The following DNAH14 variants were observed in gnomAD, a reference collection of about 807,000 sequenced individuals.
The protein encoded by DNAH14 is axonemal beta dynein heavy chain 14.
A neutral mutation model predicts 520.9 loss-of-function variants in DNAH14; 478 were observed. That is an observed-to-expected ratio of 0.92 (90% CI 0.85 to 0.99). DNAH14 has a LOEUF of 0.99. Among genes scored for constraint, DNAH14 ranks in the 50% least tolerant of loss-of-function variants. The pLI is 0.00. For missense variants in DNAH14, 4,831 were observed against 5,234.5 expected (o/e 0.92, Z 2.38); for synonymous variants, 1,581 against 1,757.2 (o/e 0.90, Z 2.51).
chr1:225,060,935 C>A (rs2069973188), intron 17 of DNAH14, among the ~76,000 whole-genome samples: 1 of 96,182 alleles, frequency 1.0e-5, no homozygotes, highest in Admixed American at 1.1e-4. Context: ...CTGGGGCTAC[C>A]TCCCAGTTAG....
chr1:225,103,281 T>G (rs1055189514), intron 23 of DNAH14, among the ~76,000 whole-genome samples: 7 of 152,232 alleles, frequency 4.6e-5, no homozygotes, highest in African/African-American at 7.2e-5. Context: ...CATGCTGTTT[T>G]GGTTACTATA....
At chr1:224,945,166 A>G (rs920052201) in intron 1 of DNAH14, among the ~76,000 whole-genome samples, 4 of 152,064 alleles carry the variant, frequency 2.6e-5, no homozygotes, top group South Asian at 2.1e-4. Context: ...ACAGAGTCCC[A>G]TATTTCTTGG....
At chr1:225,214,607 G>A (rs2089005694) in intron 41 of DNAH14, among the ~76,000 whole-genome samples, 1 of 152,088 alleles carries the variant, frequency 6.6e-6, no homozygotes, top group Non-Finnish European at 1.5e-5. Context: ...TGTATTCAGG[G>A]ATTTTACTTC....
chr1:225,322,085 CTTTTTTTTT>C (rs3047035), intron 61 of DNAH14, among the ~76,000 whole-genome samples: 3 of 90,178 alleles, frequency 3.3e-5, no homozygotes, highest in East Asian at 7.8e-4. Context: ...TTTTTTCTTT[CTTTTTTTTT>C]TTTTTTTTTT....
Position 225,270,850 on chromosome 1 carries a change from TA to T in DNAH14, c.7656del (p.Leu2552PhefsTer29). The T allele has an allele frequency of 6.4e-7, 1 of 1,551,050 alleles. No individual in the cohort carries two copies. The highest frequency in any genetic ancestry group is 8.7e-7 in the Non-Finnish European group (1 of 1,146,714). On this transcript the variant is annotated frameshift_variant, in exon 50 of 86. Coordinates refer to ENST00000682510, the MANE Select transcript of DNAH14 (RefSeq NM_001367479.1). LOFTEE classifies it high-confidence loss of function. ...LVLPHPSQDI[L>X]CTIFQAHLGI... ...TTACCTCATCCTTCACAAGACATCT[TA>T]TGTACTATTTTCCAGGTAACACATC... is the stretch of plus-strand genomic sequence containing the variant.
At chr1:225,186,358 T>G (rs2084732916) in intron 37 of DNAH14, among the ~76,000 whole-genome samples, 1 of 151,820 alleles carries the variant, frequency 6.6e-6, no homozygotes, top group South Asian at 2.1e-4. Context: ...TTATAACTAA[T>G]AAGAGGTGAA....
chr1:225,335,362 CGTGTACATGT>C (rs2094933765), intron 66 of DNAH14, among the ~76,000 whole-genome samples: 14 of 51,086 alleles, frequency 2.7e-4, no homozygotes, highest in South Asian at 1.6e-3. Flanking sequence ...TGCATATACA[CGTGTACATGT>C]GTGTGTATAT....
chr1:225,338,210 A>G (rs920154524), intron 68 of DNAH14, 28 bp downstream of exon 68: 30 of 1,551,440 alleles, frequency 1.9e-5, no homozygotes, highest in Non-Finnish European at 2.4e-5. Flanking sequence ...AATTGAGTCA[A>G]ATGTCTATGC....
intron 54 of DNAH14, among the ~76,000 whole-genome samples, chr1:225,278,537 C>T (rs536693595): frequency 2.3e-4 from 35 of 152,200 alleles, no homozygotes; most frequent in African/African-American, 8.2e-4. Flanking sequence ...CCTTATTCTG[C>T]TTTATTTTTC....
At chr1:225,363,227 C>A (rs1409982060) in intron 75 of DNAH14, among the ~76,000 whole-genome samples, 4 of 152,108 alleles carry the variant, frequency 2.6e-5, no homozygotes, top group African/African-American at 9.7e-5. Context: ...TGCCACTTGA[C>A]CCCTAAATAG....
intron 11 of DNAH14, among the ~76,000 whole-genome samples, chr1:225,038,419 T>C (rs1011792149): frequency 5.3e-5 from 8 of 152,062 alleles, no homozygotes; most frequent in Admixed American, 5.2e-4. Flanking sequence ...TATTATTTAT[T>C]ATTTTCTGTT....
intron 83 of DNAH14, 135 bp from the exon 84 acceptor site, chr1:225,392,156 G>A (rs549604994): frequency 1.8e-5 from 20 of 1,140,276 alleles, no homozygotes; most frequent in African/African-American, 1.3e-4. Flanking sequence ...CTCTGCTCCC[G>A]CCCAGCCCAT....
chr1:225,274,211 T>A (rs1252265075), intron 52 of DNAH14, among the ~76,000 whole-genome samples: 2 of 134,570 alleles, frequency 1.5e-5, no homozygotes, highest in Non-Finnish European at 3.2e-5. Flanking sequence ...TTTTTTTTTT[T>A]TTTTTTTTTT....
chr1:225,342,840 C>G (rs1423131798), intron 69 of DNAH14, among the ~76,000 whole-genome samples: 2 of 151,066 alleles, frequency 1.3e-5, no homozygotes, highest in African/African-American at 4.9e-5. Context: ...TGCCATGGGT[C>G]CCACCCCCAC....
rs539559685 is a variant in DNAH14 at position 225,308,449 on chromosome 1, T to C, written c.9240+39T>C. The C allele has an allele frequency of 6.0e-6, 9 of 1,497,254 alleles. No individual in the cohort carries two copies. The East Asian group carries it at 1.0e-4, about 17-fold the overall frequency. The allele number at this position is 1,497,254 out of a possible 1,614,324, so 92.7% of individuals were successfully genotyped here. ...ATTGTCAATAAAAATAATTTGGAGA[T>C]TTGAAAAAGTATTCCCTAACCTTCA... On this transcript the variant is annotated intron_variant, in intron 60 of 85. Coordinates refer to ENST00000682510, the MANE Select transcript of DNAH14 (RefSeq NM_001367479.1).
At chr1:225,214,419 T>G (rs1028794410) in intron 41 of DNAH14, among the ~76,000 whole-genome samples, 2 of 152,238 alleles carry the variant, frequency 1.3e-5, no homozygotes, top group African/African-American at 4.8e-5. Flanking sequence ...GATGCTGGCC[T>G]CATAAAATGA....
intron 58 of DNAH14, among the ~76,000 whole-genome samples, chr1:225,305,577 C>A (rs2094223134): frequency 6.6e-6 from 1 of 152,158 alleles, no homozygotes; most frequent in Admixed American, 6.5e-5. Flanking sequence ...TATCTTATGA[C>A]AATCTTCCAG....
At chr1:225,200,500 A>G (rs986867098) in intron 38 of DNAH14, among the ~76,000 whole-genome samples, 4 of 152,086 alleles carry the variant, frequency 2.6e-5, no homozygotes, top group African/African-American at 9.7e-5. Context: ...TTCAAGATTT[A>G]GAGCTCCTTT....
At chr1:225,325,520 G>T (rs1351051060) in intron 64 of DNAH14, among the ~76,000 whole-genome samples, 1 of 151,106 alleles carries the variant, frequency 6.6e-6, no homozygotes, top group Non-Finnish European at 1.5e-5. Flanking sequence ...TACTTAACCT[G>T]TTTATATCAT....
Sources: allele counts gnomAD v4.1 joint callset (sites outside exome capture counted in the v4.1 genomes callset), GRCh38; gene constraint gnomAD v4.1.1; transcripts MANE v1.5; gene names NCBI Gene and HGNC (gene_info 2026-07-23, HGNC 2026-07-21).